Variants in NRXN3 observed in about 807,000 individuals in gnomAD.
NRXN3 encodes the protein neurexin III.
In NRXN3, 32 loss-of-function variants were observed where a neutral mutation model predicts 137.6. That is an observed-to-expected ratio of 0.23 (90% CI 0.18 to 0.31). NRXN3 has a LOEUF of 0.31. NRXN3 is among the 10% of genes least tolerant of loss of function. NRXN3 has a pLI of 1.00. For synonymous variants in NRXN3, 798 were observed against 784.5 expected (o/e 1.02, Z -0.29); for missense variants, 1,574 against 2,062.5 (o/e 0.76, Z 4.59).
intron 15 of NRXN3, among the ~76,000 whole-genome samples, chr14:79,429,562 C>G (rs1283622715): frequency 6.6e-6 from 1 of 152,176 alleles, no homozygotes; most frequent in Non-Finnish European, 1.5e-5. Context: ...AAGTGTAACT[C>G]TTGTTATTAA....
intron 8 of NRXN3, among the ~76,000 whole-genome samples, chr14:78,718,624 C>T (rs927319600): frequency 9.2e-5 from 14 of 152,184 alleles, no homozygotes; most frequent in African/African-American, 3.4e-4. Flanking sequence ...TGCTTCTACC[C>T]TCATAAGAGT....
At chr14:78,547,200 C>CT (rs1211307891) in intron 4 of NRXN3, among the ~76,000 whole-genome samples, 8 of 125,728 alleles carry the variant, frequency 6.4e-5, no homozygotes, top group East Asian at 2.5e-4. Context: ...TGTCATTGCT[C>CT]TTTTTTTTTC....
rs536974142 is a variant in NRXN3, at chr14:78,498,867, T to C, written c.758-146253T>C. 8.5e-5 allele frequency among the ~76,000 whole-genome samples: 13 copies of C among 152,106 alleles called. No individual in the cohort carries two copies. The East Asian group carries it at 2.5e-3, about 29-fold the overall frequency. On this transcript the variant is annotated intron_variant, in intron 4 of 20. Coordinates refer to ENST00000335750, the MANE Select transcript of NRXN3 (RefSeq NM_001330195.2). ...CCTTGAACTCCTGGGTTCAAGTGAT[T>C]CTTTTGCCTCAGCCTCCCAAGTAGT...
intron 19 of NRXN3, among the ~76,000 whole-genome samples, chr14:79,741,692 G>C (rs1203349131): frequency 6.6e-6 from 1 of 151,690 alleles, no homozygotes; most frequent in African/African-American, 2.4e-5. Flanking sequence ...TGCTATGTTG[G>C]CCAGGCTGGT....
intron 20 of NRXN3, among the ~76,000 whole-genome samples, chr14:79,827,291 G>A (rs992071350): frequency 3.9e-5 from 6 of 152,004 alleles, no homozygotes; most frequent in African/African-American, 1.4e-4. Context: ...AACCTTCTCT[G>A]AAAAAAATGA....
chr14:79,341,940 A>G (rs1477508318), intron 15 of NRXN3, among the ~76,000 whole-genome samples: 1 of 152,218 alleles, frequency 6.6e-6, no homozygotes, highest in Admixed American at 6.5e-5. Flanking sequence ...TGTAAATACA[A>G]TGGTAATAGA....
chr14:79,482,827 G>A lies in NRXN3; in HGVS notation c.3444+15425G>A, dbSNP rs144592835. Among the ~76,000 whole-genome samples the A allele has an allele frequency of 5.3e-4, 80 of 152,212 alleles. 2 individuals carry two copies. The East Asian group carries it at 0.015, about 28-fold the overall frequency. On this transcript the variant is annotated intron_variant, in intron 16 of 20. Coordinates refer to ENST00000335750, the MANE Select transcript of NRXN3 (RefSeq NM_001330195.2). ...TGCCTAGACTGGATGACTGCCTATT[G>A]CCCTAACACTTTCCTTCCTACCCCC... is the stretch of plus-strand genomic sequence containing the variant.
In NRXN3 at chr14:78,362,848, TG is replaced by T. The variant is rs1199176804; in HGVS notation, c.757+64989del. Among the ~76,000 whole-genome samples, 5 of 152,284 alleles carry T rather than the reference TG, an allele frequency of 3.3e-5. No homozygotes were observed. The South Asian group carries it at 1.0e-3, about 32-fold the overall frequency. ...GAAGGATTGTGGTAGTGGGGGATAC[TG>T]TTGAGGGACACGTTTTGGTTGTTTC... On this transcript the variant is annotated intron_variant, in intron 4 of 20. Coordinates refer to ENST00000335750, the MANE Select transcript of NRXN3 (RefSeq NM_001330195.2).
At chr14:79,556,028 G>GC (rs1342966679) in intron 16 of NRXN3, among the ~76,000 whole-genome samples, 4 of 152,132 alleles carry the variant, frequency 2.6e-5, no homozygotes, top group African/African-American at 9.7e-5. Context: ...GAGAACACAG[G>GC]CCCCTCTCTT....
rs193277876 is a variant in NRXN3 at position 79,420,169 on chromosome 14, C to G, written c.3263-47052C>G. Among the ~76,000 whole-genome samples, 9 of 152,230 alleles carry G rather than the reference C, an allele frequency of 5.9e-5. No individual in the cohort carries two copies. In the East Asian group the frequency reaches 1.7e-3, roughly 29 times the overall value. Reference sequence around the variant, plus strand: ...TGTTCCAGTTCCTGTTCTAAGGACTCTGCATTCTTATTTGATCCTCAGAAC... The same window carrying G: ...TGTTCCAGTTCCTGTTCTAAGGACTGTGCATTCTTATTTGATCCTCAGAAC... On this transcript the variant is annotated intron_variant, in intron 15 of 20. Coordinates refer to ENST00000335750, the MANE Select transcript of NRXN3 (RefSeq NM_001330195.2).
chr14:78,628,617 C>T (rs1170547565), intron 4 of NRXN3, among the ~76,000 whole-genome samples: 1 of 152,180 alleles, frequency 6.6e-6, no homozygotes, highest in African/African-American at 2.4e-5. Context: ...CCCTGGCCAA[C>T]CCCAGTAATG....
At chr14:79,110,794 A>ATTTATTTATTTT (rs2053355452) in intron 15 of NRXN3, among the ~76,000 whole-genome samples, 1 of 145,908 alleles carries the variant, frequency 6.9e-6, no homozygotes, top group African/African-American at 2.6e-5. Context: ...TTATTTATTT[A>ATTTATTTATTTT]TTTTTTTATT....
At chr14:79,627,432 T>C (rs562307290) in intron 16 of NRXN3, among the ~76,000 whole-genome samples, 1 of 152,298 alleles carries the variant, frequency 6.6e-6, no homozygotes, top group East Asian at 1.9e-4. Flanking sequence ...CTGAGTTCTA[T>C]CTTGGTGCAT....
At chr14:78,334,079 G>A (rs1204767362) in intron 4 of NRXN3, among the ~76,000 whole-genome samples, 2 of 152,110 alleles carry the variant, frequency 1.3e-5, no homozygotes, top group East Asian at 1.9e-4. Context: ...CAGGAAGGAA[G>A]GTATTGCCTT....
chr14:79,758,229 A>G (rs2099026482), intron 19 of NRXN3, among the ~76,000 whole-genome samples: 1 of 152,116 alleles, frequency 6.6e-6, no homozygotes, highest in Admixed American at 6.5e-5. Context: ...CGTTGCTATA[A>G]AGAAACATGT....
chr14:79,631,886 T>C (rs72493400), intron 16 of NRXN3, among the ~76,000 whole-genome samples: 1 of 152,172 alleles, frequency 6.6e-6, no homozygotes, highest in African/African-American at 2.4e-5. Flanking sequence ...ATCAGCACTC[T>C]GTGTCTAGCT....
At chr14:79,567,846 C>A (rs372024493) in intron 16 of NRXN3, among the ~76,000 whole-genome samples, 1 of 151,980 alleles carries the variant, frequency 6.6e-6, no homozygotes, top group Non-Finnish European at 1.5e-5. Flanking sequence ...ATACCACTGG[C>A]CCATGAAACA....
At chr14:78,451,786 G>C (rs2094557991) in intron 4 of NRXN3, among the ~76,000 whole-genome samples, 1 of 152,206 alleles carries the variant, frequency 6.6e-6, no homozygotes, top group Non-Finnish European at 1.5e-5. Flanking sequence ...TTAGATGGCA[G>C]AGCTATTTTT....
At chr14:78,534,629 C>T (rs181145386) in intron 4 of NRXN3, among the ~76,000 whole-genome samples, 19 of 152,250 alleles carry the variant, frequency 1.2e-4, no homozygotes, top group East Asian at 9.7e-4. Context: ...TTCCTCAGAA[C>T]GCTTTTAGTC....
Sources: gnomAD v4.1 joint callset for allele counts (sites outside exome capture counted in the v4.1 genomes callset) on GRCh38, gnomAD v4.1.1 for gene constraint, MANE v1.5 for transcripts, NCBI Gene and HGNC (gene_info 2026-07-23, HGNC 2026-07-21) for gene names.